Variants in ARFGEF2 observed in about 807,000 individuals in gnomAD.
The protein encoded by ARFGEF2 is ARF guanine nucleotide exchange factor 2, also known as brefeldin A-inhibited guanine nucleotide-exchange protein 2.
A neutral mutation model predicts 219.9 loss-of-function variants in ARFGEF2; 74 were observed. The observed-to-expected ratio is 0.34, with a 90% confidence interval of 0.28 to 0.41. The LOEUF (loss-of-function observed/expected upper bound fraction) is 0.41. Among genes scored for constraint, ARFGEF2 ranks in the 10% least tolerant of loss-of-function variants. The probability of loss-of-function intolerance (pLI) is 1.00; values close to 1 mark genes in which losing one functional copy is unlikely to be tolerated. For missense variants in ARFGEF2, 1,743 were observed against 2,218.3 expected (o/e 0.79, Z 4.30); for synonymous variants, 733 against 799.2 (o/e 0.92, Z 1.40).
chr20:48,938,404 A>G (rs1160132044), intron 1 of ARFGEF2, among the ~76,000 whole-genome samples: 2 of 152,222 alleles, frequency 1.3e-5, no homozygotes, highest in African/African-American at 4.8e-5. Flanking sequence ...GCAGCTTGCA[A>G]ACCAGTCTTA....
intron 35 of ARFGEF2, among the ~76,000 whole-genome samples, chr20:49,023,983 A>G (rs2091585333): frequency 6.6e-6 from 1 of 151,668 alleles, no homozygotes; most frequent in African/African-American, 2.4e-5. Context: ...TTTTTTGGCG[A>G]GACAAAGTCT....
At chr20:48,954,466 A>C (rs763338781) in intron 6 of ARFGEF2, among the ~76,000 whole-genome samples, 1 of 152,162 alleles carries the variant, frequency 6.6e-6, no homozygotes, top group Non-Finnish European at 1.5e-5. Context: ...TTTTTTCAGG[A>C]ATTTCCTTTC....
intron 14 of ARFGEF2, among the ~76,000 whole-genome samples, chr20:48,980,521 A>C (rs1260424449): frequency 6.6e-6 from 1 of 152,192 alleles, no homozygotes; most frequent in Non-Finnish European, 1.5e-5. Context: ...AGCTGAGTTC[A>C]AGTTGTGGAT....
At chr20:49,031,931 T>G in intron 37 of ARFGEF2, 118 bp from the exon 38 acceptor site, 1 of 851,428 alleles carries the variant, frequency 1.2e-6, no homozygotes, top group Non-Finnish European at 1.9e-6. Context: ...AAAAAAAAAG[T>G]AATTAAAAAA....
intron 6 of ARFGEF2, among the ~76,000 whole-genome samples, chr20:48,962,725 T>C (rs1343814865): frequency 6.6e-6 from 1 of 152,196 alleles, no homozygotes; most frequent in Non-Finnish European, 1.5e-5. Context: ...ACGTAGATAG[T>C]TCCAGAGTGT....
intron 11 of ARFGEF2, 74 bp downstream of exon 11, chr20:48,972,499 T>C (rs1600623561): frequency 1.8e-6 from 2 of 1,128,236 alleles, no homozygotes; most frequent in East Asian, 4.7e-5. Flanking sequence ...TTAAGACTTC[T>C]AACCCCTCCT....
At chr20:48,998,255 G>A in intron 24 of ARFGEF2, 22 bp downstream of exon 24, 3 of 1,614,110 alleles carry the variant, frequency 1.9e-6, no homozygotes, top group Non-Finnish European at 2.5e-6. Context: ...ACTTACCTGT[G>A]AAAACTGCAG....
At chr20:48,942,481 T>G (rs1837349922) in intron 3 of ARFGEF2, among the ~76,000 whole-genome samples, 1 of 138,056 alleles carries the variant, frequency 7.2e-6, no homozygotes, top group South Asian at 2.5e-4. Context: ...TGGTTTTTTT[T>G]TTTTTTTTTT....
rs376221215 is a variant in ARFGEF2 at position 48,966,229 on chromosome 20, A to C, written c.1059+206A>C. ...TTGCTTGGTATATAACATCATTATT[A>C]AACCCTGTTTACTCAGACTTCTAAT... On this transcript the variant is annotated intron_variant, in intron 8 of 38. Coordinates refer to ENST00000371917, the MANE Select transcript of ARFGEF2 (RefSeq NM_006420.3). Among the ~76,000 whole-genome samples the C allele has an allele frequency of 1.1e-4, 16 of 152,352 alleles. 1 individual carries two copies. The highest frequency in any genetic ancestry group is 8.3e-4 in the South Asian group (4 of 4,830).
intron 6 of ARFGEF2, among the ~76,000 whole-genome samples, chr20:48,963,466 A>G (rs1244294633): frequency 6.6e-6 from 1 of 152,194 alleles, no homozygotes; most frequent in East Asian, 1.9e-4. Context: ...AAGGCACAAG[A>G]GAAAGCTCCA....
At chr20:49,007,592 C>CTTT (rs752508908) in intron 26 of ARFGEF2, among the ~76,000 whole-genome samples, 1,306 of 97,806 alleles carry the variant, frequency 0.013, 35 homozygotes, top group South Asian at 0.063. Flanking sequence ...CCTGGTGTTG[C>CTTT]TTTTTTTTTT....
chr20:48,925,421 A>T (rs2090870628), intron 1 of ARFGEF2, among the ~76,000 whole-genome samples: 1 of 152,192 alleles, frequency 6.6e-6, no homozygotes, highest in Non-Finnish European at 1.5e-5. Context: ...CCTCCCTTTT[A>T]TAATTGTCTT....
chr20:49,006,343 A>C (rs2123504308), intron 26 of ARFGEF2, among the ~76,000 whole-genome samples: 1 of 152,152 alleles, frequency 6.6e-6, no homozygotes, highest in Non-Finnish European at 1.5e-5. Flanking sequence ...GTTTTCATTC[A>C]GCCTTAAATA....
chr20:48,947,406 TTAAAA>T (rs980381608), intron 3 of ARFGEF2, among the ~76,000 whole-genome samples: 12 of 146,246 alleles, frequency 8.2e-5, no homozygotes, highest in Non-Finnish European at 1.5e-4. Context: ...CCTCCAAAAA[TTAAAA>T]TAAAGTTATG....
chr20:48,992,020 A>T (rs1044297497), intron 21 of ARFGEF2, among the ~76,000 whole-genome samples: 1 of 152,218 alleles, frequency 6.6e-6, no homozygotes, highest in Non-Finnish European at 1.5e-5. Context: ...TAGGTGTGAC[A>T]GACCTGCAGA....
intron 1 of ARFGEF2, among the ~76,000 whole-genome samples, chr20:48,922,364 AT>A (rs900876173): frequency 3.3e-5 from 5 of 152,180 alleles, no homozygotes; most frequent in Non-Finnish European, 7.3e-5. Context: ...AGCTCTGCTG[AT>A]TGGGGTTCCC....
At chr20:48,946,120 T>C (rs2091024954) in intron 3 of ARFGEF2, among the ~76,000 whole-genome samples, 1 of 152,186 alleles carries the variant, frequency 6.6e-6, no homozygotes, top group South Asian at 2.1e-4. Flanking sequence ...GTCTTAGAAA[T>C]GGAAGGCCAG....
chr20:48,928,136 AGTACCT>A (rs2090889523), intron 1 of ARFGEF2, among the ~76,000 whole-genome samples: 1 of 151,896 alleles, frequency 6.6e-6, no homozygotes, highest in Non-Finnish European at 1.5e-5. Flanking sequence ...TAACTGGCAC[AGTACCT>A]GGCACCTAAC....
intron 21 of ARFGEF2, 143 bp downstream of exon 21, chr20:48,991,341 G>C (rs1464950632): frequency 8.2e-7 from 1 of 1,217,496 alleles, no homozygotes; most frequent in African/African-American, 1.5e-5. Context: ...CCCTCTCTGG[G>C]GCTGTGAAAG....
Sources: allele counts gnomAD v4.1 joint callset (sites outside exome capture counted in the v4.1 genomes callset), GRCh38; gene constraint gnomAD v4.1.1; transcripts MANE v1.5; gene names NCBI Gene and HGNC (gene_info 2026-07-23, HGNC 2026-07-21).